The following GLI2 variants were observed in gnomAD, a reference collection of about 807,000 sequenced individuals.
GLI2 encodes the protein GLI family zinc finger 2.
In GLI2, 22 loss-of-function variants were observed where a neutral mutation model predicts 78.9. The observed-to-expected ratio is 0.28, with a 90% confidence interval of 0.20 to 0.40. GLI2 has a LOEUF of 0.40. GLI2 is among the 10% of genes least tolerant of loss of function. The probability of loss-of-function intolerance (pLI) is 1.00; values close to 1 mark genes in which losing one functional copy is unlikely to be tolerated. For synonymous variants in GLI2, 974 were observed against 963.7 expected, an observed-to-expected ratio of 1.01 and a Z score of -0.20; for missense variants, 2,097 against 2,213.2, an observed-to-expected ratio of 0.95 and a Z score of 1.05.
intron 3 of GLI2, among the ~76,000 whole-genome samples, chr2:120,934,084 A>C (rs1465732973): frequency 1.3e-5 from 2 of 152,128 alleles, no homozygotes; most frequent in Non-Finnish European, 2.9e-5. Flanking sequence ...AAATCTGCTT[A>C]TTTACAGGCG....
At chr2:120,861,743 G>A (rs923782593) in intron 2 of GLI2, among the ~76,000 whole-genome samples, 4 of 152,114 alleles carry the variant, frequency 2.6e-5, no homozygotes, top group African/African-American at 9.7e-5. Context: ...TTAACCTGCC[G>A]GTCCTGAGGC....
chr2:120,840,084 T>C (rs973893503), intron 2 of GLI2, among the ~76,000 whole-genome samples: 4 of 152,234 alleles, frequency 2.6e-5, no homozygotes, highest in African/African-American at 9.6e-5. Flanking sequence ...CTCTTCTTGA[T>C]ATAAACATAT....
chr2:120,907,673 G>A (rs1284510166), intron 2 of GLI2, among the ~76,000 whole-genome samples: 1 of 152,168 alleles, frequency 6.6e-6, no homozygotes, highest in Non-Finnish European at 1.5e-5. Context: ...GATCTTCCTT[G>A]ACAGTTCCTC....
chr2:120,741,242 G>C (rs1403708145), intron 1 of GLI2, among the ~76,000 whole-genome samples: 1 of 152,142 alleles, frequency 6.6e-6, no homozygotes, highest in Non-Finnish European at 1.5e-5. Flanking sequence ...GACTCGGCTG[G>C]GTTTGGAGCC....
intron 5 of GLI2, among the ~76,000 whole-genome samples, chr2:120,959,826 T>C (rs1681458327): frequency 6.6e-6 from 1 of 152,104 alleles, no homozygotes; most frequent in Non-Finnish European, 1.5e-5. Flanking sequence ...TTCTTTTTGC[T>C]CAAATCCTCA....
At chr2:120,888,505 G>A (rs1258128410) in intron 2 of GLI2, among the ~76,000 whole-genome samples, 2 of 152,284 alleles carry the variant, frequency 1.3e-5, no homozygotes, top group East Asian at 1.9e-4. Context: ...GAGAGACCCT[G>A]TGCAGTGTGA....
At chr2:120,921,312 T>TTGGGGC (rs1425270022) in intron 2 of GLI2, among the ~76,000 whole-genome samples, 7 of 151,776 alleles carry the variant, frequency 4.6e-5, no homozygotes, top group Non-Finnish European at 7.4e-5. Flanking sequence ...GCTCAGAGGA[T>TTGGGGC]TGGGGCTGGG....
chr2:120,946,906 T>C (rs977038525), intron 3 of GLI2, among the ~76,000 whole-genome samples: 2 of 152,202 alleles, frequency 1.3e-5, no homozygotes, highest in Non-Finnish European at 2.9e-5. Flanking sequence ...TTCTGCCAGC[T>C]CTGGCCCATT....
chr2:120,984,856 G>A lies in GLI2; in HGVS notation c.1905+113G>A, dbSNP rs554219605. On this transcript the variant is annotated intron_variant, in intron 12 of 13. Coordinates refer to ENST00000361492, the MANE Select transcript of GLI2 (RefSeq NM_001374353.1). ...TAAGGCCCCCCTCTAGGGGCACAGCGATATCCCTCCTCTCTCCAACTTGGC... is the reference window on the plus strand; with the variant it reads ...TAAGGCCCCCCTCTAGGGGCACAGCAATATCCCTCCTCTCTCCAACTTGGC... The A allele has an allele frequency of 3.9e-4, 419 of 1,068,826 alleles. 5 individuals are homozygous for A. In the South Asian group the frequency reaches 4.3e-3, roughly 11 times the overall value. 66.2% of individuals were successfully genotyped at this position (1,068,826 alleles called of 1,614,324 possible). A position where few individuals can be genotyped will look rare whatever the true frequency, so the allele number is the denominator to read the frequency against.
At chr2:120,916,390 G>A (rs1197318763) in intron 2 of GLI2, among the ~76,000 whole-genome samples, 1 of 152,254 alleles carries the variant, frequency 6.6e-6, no homozygotes, top group Non-Finnish European at 1.5e-5. Context: ...GCACTGCCCT[G>A]AGCCTGAAGA....
chr2:120,951,147 T>C (rs556523182), intron 3 of GLI2, 96 bp from the exon 4 acceptor site: 36 of 785,718 alleles, frequency 4.6e-5, no homozygotes, highest in Admixed American at 3.3e-4. Flanking sequence ...GGAAAGTCTT[T>C]CCAGGAGAGA....
At chr2:120,969,994 T>C (rs1189719108) in intron 6 of GLI2, among the ~76,000 whole-genome samples, 1 of 152,108 alleles carries the variant, frequency 6.6e-6, no homozygotes, top group Non-Finnish European at 1.5e-5. Flanking sequence ...GCTGGGGGGC[T>C]CAGGGCAAGA....
Position 120,989,092 on chromosome 2 carries a change from C to G in GLI2, c.3127C>G (p.Leu1043Val). 2 of 1,612,426 alleles carry G rather than the reference C, an allele frequency of 1.2e-6. No homozygotes were observed. Among genetic ancestry groups the G allele is most frequent in the Non-Finnish European group, 1.7e-6 (2 of 1,179,888 alleles). Residue 1043 changes from leucine (L) to valine (V), a missense_variant, in exon 14 of 14, where the codon CTG (leucine) becomes GTG (valine). Physicochemically the swap from Leu to Val is conservative, Grantham distance 32. Coordinates refer to ENST00000361492, the MANE Select transcript of GLI2 (RefSeq NM_001374353.1). ...EADLGLPEDD[L>V]VLPDDVVQYI... is the part of the protein sequence containing the mutation. ...CGACCTGGGGCTGCCGGAGGACGAC[C>G]TGGTGCTTCCAGACGACGTGGTGCA... is the stretch of plus-strand genomic sequence containing the variant.
chr2:120,736,571 G>A (rs983221314), intron 1 of GLI2, among the ~76,000 whole-genome samples: 1 of 151,548 alleles, frequency 6.6e-6, no homozygotes, highest in East Asian at 2.0e-4. Flanking sequence ...CTGGGGGAGA[G>A]CACCACTCTT....
intron 3 of GLI2, among the ~76,000 whole-genome samples, chr2:120,931,791 G>A (rs1679954777): frequency 6.6e-6 from 1 of 152,166 alleles, no homozygotes; most frequent in Admixed American, 6.5e-5. Flanking sequence ...TTCCGTGAGG[G>A]CAAGGAGACC....
chr2:120,753,802 G>T (rs1398080706), intron 1 of GLI2, among the ~76,000 whole-genome samples: 1 of 151,906 alleles, frequency 6.6e-6, no homozygotes, highest in African/African-American at 2.4e-5. Context: ...GGAGGCCGAG[G>T]CAGGAGAATG....
In GLI2 at chr2:120,932,978, C is replaced by T. The variant is rs369840335; in HGVS notation, c.254+5512C>T. On this transcript the variant is annotated intron_variant, in intron 3 of 13. Coordinates refer to ENST00000361492, the MANE Select transcript of GLI2 (RefSeq NM_001374353.1). Reference sequence around the variant, plus strand: ...ACTTCCTCCTTTTGGCAACCAGGAGCAGCGGGGAGTGGTCAGATTTATTTT... The same window carrying T: ...ACTTCCTCCTTTTGGCAACCAGGAGTAGCGGGGAGTGGTCAGATTTATTTT... Among the ~76,000 whole-genome samples the T allele has an allele frequency of 3.3e-5, 5 of 152,214 alleles. No homozygotes were observed. The East Asian group carries it at 7.7e-4, about 24-fold the overall frequency.
At chr2:120,817,358 G>C (rs1453187370) in intron 2 of GLI2, among the ~76,000 whole-genome samples, 2 of 152,210 alleles carry the variant, frequency 1.3e-5, no homozygotes, top group East Asian at 3.9e-4. Flanking sequence ...CCCTGAAGGA[G>C]CAGGCCATGC....
At chr2:120,942,863 T>C (rs535208185) in intron 3 of GLI2, among the ~76,000 whole-genome samples, 300 of 8,920 alleles carry the variant, frequency 0.034, 1 homozygote, top group Admixed American at 0.059. Context: ...CACGCCCTCT[T>C]TCATTCATTC....
Sources: gnomAD v4.1 joint callset for allele counts (sites outside exome capture counted in the v4.1 genomes callset) on GRCh38, gnomAD v4.1.1 for gene constraint, MANE v1.5 for transcripts, NCBI Gene and HGNC (gene_info 2026-07-23, HGNC 2026-07-21) for gene names.